Variants in XKR6 observed in about 807,000 individuals in gnomAD.
XKR6 encodes XK related 6.
Under a neutral mutation model 56.7 loss-of-function variants are expected in XKR6, and 22 were observed. The ratio of observed to expected loss-of-function variants is 0.39; its 90% CI spans 0.28 to 0.55. XKR6 has a LOEUF of 0.55. XKR6 is among the 20% of genes least tolerant of loss of function. The pLI, the probability that XKR6 is intolerant of heterozygous loss-of-function variation, is 0.66. For missense variants in XKR6, 852 were observed against 889.0 expected, an observed-to-expected ratio of 0.96 and a Z score of 0.53; for synonymous variants, 524 against 387.8, an observed-to-expected ratio of 1.35 and a Z score of -4.13.
chr8:10,911,376 G>C lies in XKR6; in HGVS notation c.962-12460C>G, dbSNP rs560411971. ...GTGTGTATATATATATATATAGACA[G>C]AGAGGGAGAATATGTATATAAATAC... On this transcript the variant is annotated intron_variant, in intron 2 of 2. Coordinates refer to ENST00000416569, the MANE Select transcript of XKR6 (RefSeq NM_173683.4). Among the ~76,000 whole-genome samples, 6 of 148,142 alleles carry C rather than the reference G, an allele frequency of 4.1e-5. No homozygotes were observed. In the East Asian group the frequency reaches 9.9e-4, roughly 24 times the overall value.
At chr8:11,108,494 T>G (rs1798765634) in intron 1 of XKR6, 1 of 381,384 alleles carries the variant, frequency 2.6e-6, no homozygotes, top group South Asian at 2.0e-5. Flanking sequence ...AGTACTCAAC[T>G]TATGAAATAA....
At chr8:11,000,338 A>G (rs556958512) in intron 1 of XKR6, among the ~76,000 whole-genome samples, 1 of 152,292 alleles carries the variant, frequency 6.6e-6, no homozygotes, top group African/African-American at 2.4e-5. Context: ...ACAAGTAGCA[A>G]TGCATCATAA....
Position 11,089,629 on chromosome 8 carries a change from C to T in XKR6, c.764+110947G>A, listed in dbSNP as rs146950560. 2.2e-3 allele frequency among the ~76,000 whole-genome samples: 330 copies of T among 152,114 alleles called. 3 individuals carry two copies. Among genetic ancestry groups the T allele is most frequent in the African/African-American group, 7.7e-3 (319 of 41,496 alleles). On this transcript the variant is annotated intron_variant, in intron 1 of 2. Coordinates refer to ENST00000416569, the MANE Select transcript of XKR6 (RefSeq NM_173683.4). ...TTCTGCCTAGGTGACAGAGTGAGAT[C>T]CTGTCTCCAAATAAAATAAAAATGA...
intron 1 of XKR6, among the ~76,000 whole-genome samples, chr8:11,035,600 G>A (rs1053948618): frequency 3.9e-5 from 6 of 152,192 alleles, no homozygotes; most frequent in East Asian, 3.8e-4. Flanking sequence ...CGAAGTTCTC[G>A]CTGAAGAATT....
At chr8:10,995,104 C>G (rs1434435808) in intron 1 of XKR6, among the ~76,000 whole-genome samples, 1 of 152,154 alleles carries the variant, frequency 6.6e-6, no homozygotes, top group Non-Finnish European at 1.5e-5. Context: ...TTGCAAAAAG[C>G]CTTAATGATT....
chr8:11,120,843 A>G (rs1461830035), intron 1 of XKR6, among the ~76,000 whole-genome samples: 1 of 152,254 alleles, frequency 6.6e-6, no homozygotes, highest in Admixed American at 6.5e-5. Flanking sequence ...ACAGAGATAT[A>G]GACCAATGGA....
intron 1 of XKR6, among the ~76,000 whole-genome samples, chr8:11,067,988 G>C (rs1422918336): frequency 1.3e-5 from 2 of 152,226 alleles, no homozygotes; most frequent in African/African-American, 4.8e-5. Context: ...GCTGTTGCTC[G>C]TCCACCTCTC....
chr8:10,935,958 T>A (rs1801196046), intron 1 of XKR6, among the ~76,000 whole-genome samples: 1 of 148,736 alleles, frequency 6.7e-6, no homozygotes, highest in East Asian at 2.0e-4. Context: ...GTATCCTTGT[T>A]GACTTTCTGT....
intron 1 of XKR6, chr8:11,109,014 C>A (rs186633286): frequency 6.6e-6 from 1 of 152,272 alleles, no homozygotes; most frequent in East Asian, 1.9e-4. Flanking sequence ...ACGATGTATT[C>A]GTCCCTGGGT....
intron 1 of XKR6, among the ~76,000 whole-genome samples, chr8:10,955,482 C>T (rs1439750388): frequency 6.6e-6 from 1 of 152,208 alleles, no homozygotes; most frequent in East Asian, 1.9e-4. Flanking sequence ...CATCCAGCCT[C>T]TCTGCCTTTT....
chr8:11,039,400 G>T (rs1280828581), intron 1 of XKR6, among the ~76,000 whole-genome samples: 1 of 152,248 alleles, frequency 6.6e-6, no homozygotes, highest in Non-Finnish European at 1.5e-5. Flanking sequence ...GCCTGCAACA[G>T]CCATGGTTAG....
At chr8:11,103,831 G>T (rs879297938) in intron 1 of XKR6, among the ~76,000 whole-genome samples, 5 of 152,128 alleles carry the variant, frequency 3.3e-5, no homozygotes, top group African/African-American at 9.7e-5. Context: ...AATAAGTATT[G>T]ATTTAGCATC....
chr8:10,915,566 C>G (rs1167943867), intron 2 of XKR6, among the ~76,000 whole-genome samples: 1 of 152,064 alleles, frequency 6.6e-6, no homozygotes, highest in East Asian at 1.9e-4. Context: ...GTAGGGCGAC[C>G]TCAGTGCAGG....
chr8:11,005,424 G>A (rs1453239699), intron 1 of XKR6, among the ~76,000 whole-genome samples: 1 of 152,104 alleles, frequency 6.6e-6, no homozygotes, highest in Non-Finnish European at 1.5e-5. Flanking sequence ...GGGATGGGGA[G>A]CAGTTATTTA....
At chr8:11,031,806 G>A (rs1174872922) in intron 1 of XKR6, among the ~76,000 whole-genome samples, 4 of 152,230 alleles carry the variant, frequency 2.6e-5, no homozygotes, top group African/African-American at 9.7e-5. Flanking sequence ...GGCCCTGCCT[G>A]TATCTTCATT....
chr8:11,011,023 C>A (rs911351674), intron 1 of XKR6, among the ~76,000 whole-genome samples: 1 of 152,202 alleles, frequency 6.6e-6, no homozygotes, highest in Non-Finnish European at 1.5e-5. Context: ...CTCAGCAACC[C>A]AATCAGTCAA....
intron 1 of XKR6, among the ~76,000 whole-genome samples, chr8:11,191,428 C>A (rs1286796747): frequency 2.6e-5 from 4 of 152,188 alleles, no homozygotes; most frequent in Non-Finnish European, 5.9e-5. Flanking sequence ...ATAAAGAAAT[C>A]TGGCAGTCGC....
rs192815245 is a variant in XKR6 at position 10,990,355 on chromosome 8, G to C, written c.765-65525C>G. Reference sequence around the variant, plus strand: ...CCGTGGTGCTGAAAAGCCTGCTCTGGTCCCAAAGGGAGCTGTCCATGGTCA... The same window carrying C: ...CCGTGGTGCTGAAAAGCCTGCTCTGCTCCCAAAGGGAGCTGTCCATGGTCA... On this transcript the variant is annotated intron_variant, in intron 1 of 2. Transcript: ENST00000416569. 1.2e-4 allele frequency among the ~76,000 whole-genome samples: 18 copies of C among 152,332 alleles called. No individual in the cohort carries two copies. The South Asian group carries it at 3.5e-3, about 30-fold the overall frequency.
intron 1 of XKR6, among the ~76,000 whole-genome samples, chr8:11,068,953 G>T (rs1563115916): frequency 6.6e-6 from 1 of 152,212 alleles, no homozygotes. Flanking sequence ...TCCCCAGGCT[G>T]CTCCTTTTCA....
Sources: gnomAD v4.1 joint callset for allele counts (sites outside exome capture counted in the v4.1 genomes callset) on GRCh38, gnomAD v4.1.1 for gene constraint, MANE v1.5 for transcripts, NCBI Gene and HGNC (gene_info 2026-07-23, HGNC 2026-07-21) for gene names.